The following LINGO2 variants were observed in gnomAD, a reference collection of about 807,000 sequenced individuals.
The protein encoded by LINGO2 is leucine-rich repeat and immunoglobulin-like domain-containing nogo receptor-interacting protein 2.
LINGO2 carries 14 observed loss-of-function variants against 30.6 expected under a neutral mutation model. The observed-to-expected ratio is 0.46, with a 90% confidence interval of 0.30 to 0.72. The LOEUF is 0.72. LINGO2 is among the 30% of genes least tolerant of loss of function. The probability of loss-of-function intolerance (pLI) is 0.07; values close to 1 mark genes in which losing one functional copy is unlikely to be tolerated. For missense variants in LINGO2, 729 were observed against 751.7 expected (o/e 0.97, Z 0.35); for synonymous variants, 317 against 288.5 (o/e 1.10, Z -1.00).
chr9:28,445,009 C>T (rs1281103573), intron 2 of LINGO2, among the ~76,000 whole-genome samples: 5 of 152,240 alleles, frequency 3.3e-5, no homozygotes, highest in African/African-American at 7.2e-5. Flanking sequence ...CCCCAAGGAT[C>T]CTGTGACAAA....
chr9:28,074,828 G>A (rs1379993986), intron 4 of LINGO2, among the ~76,000 whole-genome samples: 1 of 151,792 alleles, frequency 6.6e-6, no homozygotes, highest in Admixed American at 6.6e-5. Context: ...TTATTTTGAT[G>A]GTTTTATTTT....
At chr9:28,294,613 A>T (rs751387123) in intron 4 of LINGO2, among the ~76,000 whole-genome samples, 1 of 152,298 alleles carries the variant, frequency 6.6e-6, no homozygotes, top group Non-Finnish European at 1.5e-5. Context: ...ATGTAATAGA[A>T]AAAGGAGATA....
intron 2 of LINGO2, among the ~76,000 whole-genome samples, chr9:28,428,923 T>C (rs1823528612): frequency 6.6e-6 from 1 of 152,176 alleles, no homozygotes; most frequent in African/African-American, 2.4e-5. Flanking sequence ...TTGGTTATCC[T>C]TACACTCAAA....
At chr9:29,113,740 G>A in the LINGO2 span, among the ~76,000 whole-genome samples, 1 of 152,076 alleles carries the variant, frequency 6.6e-6, no homozygotes, top group East Asian at 1.9e-4. Context: ...AATTAAACAT[G>A]GCTTTACCAG....
the LINGO2 span, among the ~76,000 whole-genome samples, chr9:28,909,090 G>A: frequency 6.6e-6 from 1 of 151,888 alleles, no homozygotes. Flanking sequence ...AGATAATTCT[G>A]CTTCTCAAAG....
the LINGO2 span, among the ~76,000 whole-genome samples, chr9:29,162,159 AT>A: frequency 1.3e-5 from 2 of 152,080 alleles, no homozygotes; most frequent in South Asian, 2.1e-4. Flanking sequence ...GCCTCAAGTG[AT>A]CCACCTGCTT....
the LINGO2 span, among the ~76,000 whole-genome samples, chr9:29,144,891 C>CT: frequency 1.1e-4 from 16 of 151,838 alleles, no homozygotes; most frequent in African/African-American, 3.1e-4. Context: ...ATTACTGTGG[C>CT]TTTTTTTGCT....
chr9:28,361,389 G>C (rs1312921765), intron 3 of LINGO2, among the ~76,000 whole-genome samples: 1 of 152,074 alleles, frequency 6.6e-6, no homozygotes. Context: ...CATCCACTGG[G>C]GGTCTTAGAA....
At chr9:28,505,475 T>C (rs182062437) in intron 1 of LINGO2, among the ~76,000 whole-genome samples, 6 of 152,046 alleles carry the variant, frequency 3.9e-5, no homozygotes, top group Admixed American at 3.3e-4. Context: ...TGAATGTCTG[T>C]TTAGTTATGT....
intron 3 of LINGO2, among the ~76,000 whole-genome samples, chr9:28,355,321 C>CTG (rs1820143022): frequency 2.2e-5 from 3 of 133,684 alleles, no homozygotes; most frequent in African/African-American, 5.8e-5. Context: ...CTCTCTCTCT[C>CTG]TCTCTGTCTC....
chr9:28,884,947 TAA>T, the LINGO2 span, among the ~76,000 whole-genome samples: 85 of 4,780 alleles, frequency 0.018, 2 homozygotes, highest in African/African-American at 0.028. Context: ...ATAATATATA[TAA>T]TATATAATAT....
At chr9:28,472,754 C>A (rs1322998807) in intron 2 of LINGO2, among the ~76,000 whole-genome samples, 1 of 151,864 alleles carries the variant, frequency 6.6e-6, no homozygotes, top group African/African-American at 2.4e-5. Flanking sequence ...TCATTATTTT[C>A]ATAGTTTATC....
chr9:28,056,290 A>C (rs1824939409), intron 4 of LINGO2, among the ~76,000 whole-genome samples: 1 of 152,134 alleles, frequency 6.6e-6, no homozygotes, highest in Non-Finnish European at 1.5e-5. Context: ...TCTGGGTGGC[A>C]GACTCAATTT....
chr9:28,199,997 GAAA>G (rs11325617), intron 4 of LINGO2, among the ~76,000 whole-genome samples: 11 of 123,076 alleles, frequency 8.9e-5, no homozygotes, highest in Admixed American at 2.4e-4. Flanking sequence ...CTTCATTTAG[GAAA>G]AAAAAAAAAA....
chr9:28,472,990 C>A (rs1825586647), intron 2 of LINGO2, among the ~76,000 whole-genome samples: 1 of 152,064 alleles, frequency 6.6e-6, no homozygotes, highest in Non-Finnish European at 1.5e-5. Flanking sequence ...ATTTTTTCTG[C>A]TTTCTGTATT....
chr9:28,982,627 GA>G, the LINGO2 span, among the ~76,000 whole-genome samples: 1 of 151,826 alleles, frequency 6.6e-6, no homozygotes, highest in African/African-American at 2.4e-5. Context: ...TATCCCTTCA[GA>G]GAAAAATTTT....
At chr9:28,086,813 T>C (rs962416189) in intron 4 of LINGO2, among the ~76,000 whole-genome samples, 4 of 152,118 alleles carry the variant, frequency 2.6e-5, no homozygotes, top group African/African-American at 9.7e-5. Context: ...CTCAAGGCTA[T>C]AATTTTATTG....
the LINGO2 span, among the ~76,000 whole-genome samples, chr9:29,026,543 A>G: frequency 5.9e-5 from 9 of 152,292 alleles, no homozygotes; most frequent in South Asian, 1.9e-3. Flanking sequence ...ATGCTATATT[A>G]TATGTAGAAA....
chr9:28,613,136 C>T (rs1220361449), intron 1 of LINGO2, among the ~76,000 whole-genome samples: 2 of 152,120 alleles, frequency 1.3e-5, no homozygotes, highest in Non-Finnish European at 2.9e-5. Flanking sequence ...GACTCCGCAG[C>T]CACGGTGAAC....
Sources: allele counts gnomAD v4.1 joint callset (sites outside exome capture counted in the v4.1 genomes callset), GRCh38; gene constraint gnomAD v4.1.1; transcripts MANE v1.5; gene names NCBI Gene and HGNC (gene_info 2026-07-23, HGNC 2026-07-21).